The following SH3GL3 variants were observed in gnomAD, a reference collection of about 807,000 sequenced individuals.
SH3GL3 encodes SH3 domain containing GRB2 like 3, endophilin A3.
In SH3GL3, 33 loss-of-function variants were observed where a neutral mutation model predicts 47.7. The ratio of observed to expected loss-of-function variants is 0.69; its 90% CI spans 0.52 to 0.92. The LOEUF (loss-of-function observed/expected upper bound fraction) is 0.92, where lower values mean the gene tolerates loss of function less well. Among genes scored for constraint, SH3GL3 ranks in the 40% least tolerant of loss-of-function variants. The probability of loss-of-function intolerance (pLI) is 0.00; values close to 1 mark genes in which losing one functional copy is unlikely to be tolerated. For missense variants in SH3GL3, 363 were observed against 417.8 expected (o/e 0.87, Z 1.14); for synonymous variants, 155 against 148.8 (o/e 1.04, Z -0.30).
chr15:83,585,125 A>G (rs1448292731), intron 6 of SH3GL3, among the ~76,000 whole-genome samples: 2 of 152,228 alleles, frequency 1.3e-5, no homozygotes, highest in Admixed American at 6.5e-5. Flanking sequence ...TTTACTGTCA[A>G]CAAGAGACTT....
chr15:83,486,644 T>A (rs943272991), intron 1 of SH3GL3, among the ~76,000 whole-genome samples: 35 of 152,372 alleles, frequency 2.3e-4, no homozygotes, highest in African/African-American at 8.4e-4. Flanking sequence ...TCATTTATCC[T>A]TTGTGGACAT....
intron 1 of SH3GL3, among the ~76,000 whole-genome samples, chr15:83,541,315 T>G (rs976002549): frequency 1.3e-4 from 4 of 30,366 alleles, no homozygotes. Context: ...TAATTCTATT[T>G]TTTTTTTTTT....
chr15:83,517,545 G>A lies in SH3GL3; in HGVS notation c.46-41708G>A, dbSNP rs574157466. On this transcript the variant is annotated intron_variant, in intron 1 of 8. Coordinates refer to ENST00000427482, the MANE Select transcript of SH3GL3 (RefSeq NM_003027.5). ...AATTTGTGTTTCCCTCATTTTGATT[G>A]AGGTTGAGAACCTTTTCGTATATTT... 2.0e-5 allele frequency among the ~76,000 whole-genome samples: 3 copies of A among 152,110 alleles called. No homozygotes were observed. In the East Asian group the frequency reaches 5.8e-4, roughly 29 times the overall value.
At chr15:83,573,261 A>T (rs1023529003) in intron 5 of SH3GL3, among the ~76,000 whole-genome samples, 1 of 152,192 alleles carries the variant, frequency 6.6e-6, no homozygotes, top group Non-Finnish European at 1.5e-5. Flanking sequence ...TCCACTCTGG[A>T]GGTACAAGCA....
chr15:83,630,261 A>G, the SH3GL3 span, among the ~76,000 whole-genome samples: 1 of 152,244 alleles, frequency 6.6e-6, no homozygotes, highest in Non-Finnish European at 1.5e-5. Flanking sequence ...ATGGACTAAT[A>G]CAATAGGAAA....
At chr15:83,513,640 C>T (rs2042863987) in intron 1 of SH3GL3, among the ~76,000 whole-genome samples, 1 of 152,172 alleles carries the variant, frequency 6.6e-6, no homozygotes, top group Non-Finnish European at 1.5e-5. Context: ...GTACTTCATG[C>T]TGCTTTGCTC....
chr15:83,465,300 ACT>A (rs1377273725), intron 1 of SH3GL3, among the ~76,000 whole-genome samples: 1 of 151,756 alleles, frequency 6.6e-6, no homozygotes, highest in African/African-American at 2.4e-5. Context: ...ACAGAGCAAG[ACT>A]CTGTCTCAAA....
chr15:83,606,953 T>G (rs908265981), intron 8 of SH3GL3, among the ~76,000 whole-genome samples: 5 of 152,242 alleles, frequency 3.3e-5, no homozygotes, highest in Non-Finnish European at 5.9e-5. Flanking sequence ...GAAATATGAT[T>G]ATTATTGTTG....
At chr15:83,590,760 T>C (rs2060072836) in intron 8 of SH3GL3, among the ~76,000 whole-genome samples, 1 of 152,242 alleles carries the variant, frequency 6.6e-6, no homozygotes, top group Admixed American at 6.5e-5. Context: ...ATTTTCTAAT[T>C]GGATTGTTTA....
intron 1 of SH3GL3, among the ~76,000 whole-genome samples, chr15:83,516,454 C>T (rs1022271569): frequency 5.3e-5 from 8 of 152,066 alleles, no homozygotes; most frequent in Non-Finnish European, 1.2e-4. Context: ...ATACCTGAGA[C>T]TGGGTAATTT....
rs753770570 is a variant in SH3GL3, at chr15:83,588,701, G to A, written c.768G>A (p.Lys256=). 10 of 1,613,004 alleles carry A rather than the reference G, an allele frequency of 6.2e-6. No individual in the cohort carries two copies. The Admixed American group carries it at 1.0e-4, about 16-fold the overall frequency. The change falls in exon 8 of 9, where the codon AAG becomes AAA. Residue 256 remains lysine (K), a synonymous_variant. Transcript: ENST00000427482. ...AASSVPRREY[K]PRPVKRSSSE... ...CCAGTGTCCCCAGACGAGAATACAA[G>A]CCAAGGCCTGTGAAAAGGAGTTCTA...
In SH3GL3 at chr15:83,565,187, A is replaced by C; in HGVS notation, c.168A>C (p.Glu56Asp). The stretch of plus-strand genomic sequence containing the variant: ...CAGAAATTCTTTCAAAAACCACTGA[A>C]TATCTTCAGCCAAATCCAGGTAAAG... ...VVAEILSKTT[E>D]YLQPNPAYRA... Residue 56 changes from glutamate to aspartate, a missense_variant, in exon 3 of 9, where the codon GAA becomes GAC. Glu to Asp is a conservative substitution (Grantham distance 45). Transcript: ENST00000427482. 6.3e-7 allele frequency: 1 copy of C among 1,580,620 alleles called. No individual in the cohort carries two copies. The highest frequency in any genetic ancestry group is 1.1e-5 in the South Asian group (1 of 88,926).
At chr15:83,612,021 A>AT (rs1293756121) in intron 8 of SH3GL3, among the ~76,000 whole-genome samples, 1 of 132,572 alleles carries the variant, frequency 7.5e-6, no homozygotes, top group East Asian at 3.7e-4. Flanking sequence ...ACCAAAAAAA[A>AT]AAAAAAGCTT....
chr15:83,627,608 A>C, the SH3GL3 span, among the ~76,000 whole-genome samples: 3 of 151,752 alleles, frequency 2.0e-5, no homozygotes, highest in African/African-American at 7.3e-5. Flanking sequence ...CTTTTTTTTT[A>C]TGGTATGTCT....
intron 1 of SH3GL3, among the ~76,000 whole-genome samples, chr15:83,461,790 TA>T (rs548533737): frequency 4.7e-5 from 7 of 149,396 alleles, no homozygotes; most frequent in Middle Eastern, 3.4e-3. Flanking sequence ...CTTCAGAAGT[TA>T]AAAAAAAAAG....
At chr15:83,565,526 T>A (rs540641044) in intron 3 of SH3GL3, 35 of 233,746 alleles carry the variant, frequency 1.5e-4, no homozygotes, top group Admixed American at 2.3e-4. Flanking sequence ...TTCTTCCTTA[T>A]TTCCTCTTTA....
the SH3GL3 span, among the ~76,000 whole-genome samples, chr15:83,628,971 A>G: frequency 6.6e-6 from 1 of 152,232 alleles, no homozygotes; most frequent in Non-Finnish European, 1.5e-5. Context: ...AGCATTTAAT[A>G]TTAAAACTAT....
In SH3GL3 at chr15:83,602,468, G is replaced by A. The variant is rs376112782; in HGVS notation, c.838+13697G>A. ...CACCTTCTAGCTGTGTCCTCACATG[G>A]CAGAAGGGGCAAACAAGCTCCCACA... On this transcript the variant is annotated intron_variant, in intron 8 of 8. Coordinates refer to ENST00000427482, the MANE Select transcript of SH3GL3 (RefSeq NM_003027.5). 1.2e-4 allele frequency among the ~76,000 whole-genome samples: 19 copies of A among 152,282 alleles called. No homozygotes were observed. In the South Asian group the frequency reaches 3.7e-3, roughly 30 times the overall value.
the SH3GL3 span, among the ~76,000 whole-genome samples, chr15:83,624,417 G>A: frequency 6.6e-6 from 1 of 152,216 alleles, no homozygotes; most frequent in African/African-American, 2.4e-5. Context: ...CTTGACGCAG[G>A]TGAAAGCGCA....
Sources: gnomAD v4.1 joint callset for allele counts (sites outside exome capture counted in the v4.1 genomes callset) on GRCh38, gnomAD v4.1.1 for gene constraint, MANE v1.5 for transcripts, NCBI Gene and HGNC (gene_info 2026-07-23, HGNC 2026-07-21) for gene names.